BCAS3: variants seen among roughly 807,000 people sequenced by gnomAD.
The protein encoded by BCAS3 is BCAS4/BCAS3 fusion.
A neutral mutation model predicts 116.1 loss-of-function variants in BCAS3; 53 were observed. The ratio of observed to expected loss-of-function variants is 0.46; its 90% CI spans 0.37 to 0.57. BCAS3 has a LOEUF of 0.57. BCAS3 is among the 20% of genes least tolerant of loss of function. BCAS3 has a pLI of 0.00. For missense variants in BCAS3, 917 were observed against 1,165.4 expected (o/e 0.79, Z 3.10); for synonymous variants, 391 against 408.2 (o/e 0.96, Z 0.51).
chr17:61,040,756 A>G, intron 18 of BCAS3, 36 bp from the exon 19 acceptor site: 1 of 1,535,200 alleles, frequency 6.5e-7, no homozygotes, highest in Admixed American at 1.7e-5. Context: ...CCATCTATTA[A>G]GCTTAAATAT....
At chr17:61,175,124 G>T (rs991471758) in intron 22 of BCAS3, among the ~76,000 whole-genome samples, 2 of 152,150 alleles carry the variant, frequency 1.3e-5, no homozygotes, top group Non-Finnish European at 2.9e-5. Flanking sequence ...CCTGGGGTTA[G>T]GTCAGGCATG....
Position 61,346,198 on chromosome 17 carries a change from C to T in BCAS3, c.2426-22129C>T, listed in dbSNP as rs542488717. 1.1e-4 allele frequency among the ~76,000 whole-genome samples: 17 copies of T among 152,286 alleles called. No homozygotes were observed. The highest frequency in any genetic ancestry group is 3.9e-4 in the African/African-American group (16 of 41,546). On this transcript the variant is annotated intron_variant, in intron 22 of 23. Coordinates refer to ENST00000407086, the MANE Select transcript of BCAS3 (RefSeq NM_017679.5). This position sits in a 1 kb window ranked among gnomAD's most constrained non-coding sequence, Gnocchi z 5.4. ...GGATGTTTGGGACAGATTTTGTGAG[C>T]TCTGAGCTTCTCTCCTGACTGGAAG...
intron 22 of BCAS3, among the ~76,000 whole-genome samples, chr17:61,120,721 T>C (rs1485514815): frequency 6.6e-6 from 1 of 152,128 alleles, no homozygotes; most frequent in African/African-American, 2.4e-5. Flanking sequence ...AAGGACTTTT[T>C]TTTAAAAAAC....
chr17:61,211,535 G>A lies in BCAS3; in HGVS notation c.2425+126971G>A, dbSNP rs1860373. On this transcript the variant is annotated intron_variant, in intron 22 of 23. Coordinates refer to ENST00000407086, the MANE Select transcript of BCAS3 (RefSeq NM_017679.5). This position sits in a 1 kb window ranked among gnomAD's most constrained non-coding sequence, Gnocchi z 4.4. ...AGAGCTGTTGGCTGAAAAAAGCACTGTCTACAACAGCAGAGGTGGCCGAGA... is the reference window on the plus strand; with the variant it reads ...AGAGCTGTTGGCTGAAAAAAGCACTATCTACAACAGCAGAGGTGGCCGAGA... 0.8 allele frequency among the ~76,000 whole-genome samples: 121,075 copies of A among 152,092 alleles called. 48,828 individuals carry two copies. The highest frequency in any genetic ancestry group is 0.87 in the Admixed American group (13,346 of 15,294).
intron 22 of BCAS3, among the ~76,000 whole-genome samples, chr17:61,350,205 A>G (rs2057746118): frequency 6.6e-6 from 1 of 151,992 alleles, no homozygotes; most frequent in African/African-American, 2.4e-5. Flanking sequence ...CTCTGAGGTC[A>G]GGAGTTTGAG....
At chr17:61,055,417 A>G (rs776189814) in intron 19 of BCAS3, among the ~76,000 whole-genome samples, 2 of 152,200 alleles carry the variant, frequency 1.3e-5, no homozygotes, top group Non-Finnish European at 2.9e-5. Context: ...GTTTGACTCC[A>G]TTAAGTGTGC....
intron 16 of BCAS3, 64 bp downstream of exon 16, chr17:61,015,965 A>G (rs1215371412): frequency 6.1e-6 from 9 of 1,480,936 alleles, no homozygotes; most frequent in Non-Finnish European, 8.3e-6. Context: ...ATAAAAATAA[A>G]ACATACTTTT....
chr17:60,863,488 T>C (rs1390368542), intron 7 of BCAS3, among the ~76,000 whole-genome samples: 3 of 152,140 alleles, frequency 2.0e-5, no homozygotes, highest in Non-Finnish European at 4.4e-5. Flanking sequence ...GGCTCATTCC[T>C]GTAATTCCAG....
intron 5 of BCAS3, among the ~76,000 whole-genome samples, chr17:60,742,879 C>T (rs1014185892): frequency 1.1e-4 from 16 of 151,656 alleles, no homozygotes; most frequent in Admixed American, 3.3e-4. Flanking sequence ...TTTGGGAGGC[C>T]GAGGTGGGCA....
intron 11 of BCAS3, among the ~76,000 whole-genome samples, chr17:60,903,501 T>C (rs745472365): frequency 9.9e-5 from 15 of 152,210 alleles, no homozygotes; most frequent in Non-Finnish European, 1.9e-4. Flanking sequence ...ATTTCAGAAA[T>C]CTTTTTTCTT....
At position 61,219,695 on chromosome 17, in the gene BCAS3, C is replaced by T. The variant is rs1463194773; in HGVS notation, c.2425+135131C>T. Among the ~76,000 whole-genome samples the T allele has an allele frequency of 6.6e-6, 1 of 152,196 alleles. No individual in the cohort carries two copies. The highest frequency in any genetic ancestry group is 1.5e-5 in the Non-Finnish European group (1 of 68,048). ...GCAAATAGCTGCCGTGAGAAACCCT[C>T]TCTGCTGCTCTGGGCTGACATGCCC... On this transcript the variant is annotated intron_variant, in intron 22 of 23. Transcript: ENST00000407086. This position sits in a 1 kb window ranked among gnomAD's most constrained non-coding sequence, Gnocchi z 5.2.
In BCAS3 at chr17:61,023,165, A is replaced by G. The variant is rs1600546824; in HGVS notation, c.1637+7264A>G. ...TTACTGATATGCATGTGGGAAATGC[A>G]AGTTCACTTCAGTTGTTGTTTTAAC... On this transcript the variant is annotated intron_variant, in intron 16 of 23. Coordinates refer to ENST00000407086, the MANE Select transcript of BCAS3 (RefSeq NM_017679.5). The surrounding 1 kb of genome is among the most constrained non-coding windows in gnomAD (Gnocchi z 4.8). 6.6e-6 allele frequency among the ~76,000 whole-genome samples: 1 copy of G among 152,344 alleles called. No homozygotes were observed. The highest frequency in any genetic ancestry group is 1.9e-4 in the East Asian group (1 of 5,186).
At chr17:61,314,360 G>T (rs2054566197) in intron 22 of BCAS3, among the ~76,000 whole-genome samples, 1 of 152,222 alleles carries the variant, frequency 6.6e-6, no homozygotes, top group Admixed American at 6.5e-5. Context: ...AGTGCCCACA[G>T]AGCTGACAAG....
At chr17:61,117,055 C>G (rs1237958865) in intron 22 of BCAS3, among the ~76,000 whole-genome samples, 3 of 152,084 alleles carry the variant, frequency 2.0e-5, no homozygotes. Context: ...GGATATTATT[C>G]AAGCATTATT....
At chr17:60,796,253 T>A (rs2047203742) in intron 6 of BCAS3, among the ~76,000 whole-genome samples, 1 of 152,228 alleles carries the variant, frequency 6.6e-6, no homozygotes. Context: ...TAGAATGAAT[T>A]AGGGAGGGTT....
chr17:60,806,065 TG>T (rs2048253152), intron 6 of BCAS3, among the ~76,000 whole-genome samples: 1 of 151,606 alleles, frequency 6.6e-6, no homozygotes, highest in Non-Finnish European at 1.5e-5. Context: ...AAACTAGAGA[TG>T]GGGTTTCACC....
In BCAS3 at chr17:61,243,159, C is replaced by CA. The variant is rs2047664616; in HGVS notation, c.2426-125167dup. Among the ~76,000 whole-genome samples the CA allele has an allele frequency of 6.6e-6, 1 of 152,198 alleles. No individual in the cohort carries two copies. Among genetic ancestry groups the CA allele is most frequent in the African/African-American group, 2.4e-5 (1 of 41,444 alleles). On this transcript the variant is annotated intron_variant, in intron 22 of 23. Coordinates refer to ENST00000407086, the MANE Select transcript of BCAS3 (RefSeq NM_017679.5). The surrounding 1 kb of genome is among the most constrained non-coding windows in gnomAD (Gnocchi z 5.6). ...TCTCCTGACCTCGTGATCCGCCCGCCACGGCCTCCCAAAGTGCTGGGATTA... is the reference window on the plus strand; with the variant it reads ...TCTCCTGACCTCGTGATCCGCCCGCCAACGGCCTCCCAAAGTGCTGGGATTA...
At chr17:60,705,864 G>T (rs1028478988) in intron 4 of BCAS3, among the ~76,000 whole-genome samples, 3 of 152,120 alleles carry the variant, frequency 2.0e-5, no homozygotes, top group African/African-American at 7.2e-5. Context: ...GTACTGTATA[G>T]AAACATTTTT....
At chr17:61,033,004 A>G (rs529111757) in intron 16 of BCAS3, among the ~76,000 whole-genome samples, 1 of 152,300 alleles carries the variant, frequency 6.6e-6, no homozygotes, top group Admixed American at 6.5e-5. Flanking sequence ...AGATGTTTAA[A>G]CAAGCCTCAG....
Sources: gnomAD v4.1 joint callset for allele counts (sites outside exome capture counted in the v4.1 genomes callset) on GRCh38, gnomAD v4.1.1 for gene constraint, Gnocchi (gnomAD v3.1) non-coding constraint, MANE v1.5 for transcripts, NCBI Gene and HGNC (gene_info 2026-07-23, HGNC 2026-07-21) for gene names.